Variants in SORCS3 observed in about 807,000 individuals in gnomAD.
SORCS3 encodes the protein sortilin related VPS10 domain containing receptor 3, also known as VPS10 domain-containing receptor SorCS3.
In SORCS3, 57 loss-of-function variants were observed where a neutral mutation model predicts 146.3. That is an observed-to-expected ratio of 0.39 (90% CI 0.31 to 0.49). SORCS3 has a LOEUF of 0.49. SORCS3 is among the 20% of genes least tolerant of loss of function. The probability of loss-of-function intolerance (pLI) is 0.92; values close to 1 mark genes in which losing one functional copy is unlikely to be tolerated. For synonymous variants in SORCS3, 653 were observed against 618.5 expected, an observed-to-expected ratio of 1.06 and a Z score of -0.83; for missense variants, 1,341 against 1,575.5, an observed-to-expected ratio of 0.85 and a Z score of 2.52.
intron 4 of SORCS3, among the ~76,000 whole-genome samples, chr10:104,980,167 G>T (rs1408862589): frequency 6.6e-6 from 1 of 152,164 alleles, no homozygotes; most frequent in Non-Finnish European, 1.5e-5. Context: ...ATGTGGCAGT[G>T]GGTGTTGATG....
At chr10:104,795,517 C>T (rs915855034) in intron 1 of SORCS3, among the ~76,000 whole-genome samples, 1 of 152,216 alleles carries the variant, frequency 6.6e-6, no homozygotes, top group Admixed American at 6.5e-5. Flanking sequence ...TCATGACAAA[C>T]AGGTTCTTCC....
At chr10:104,881,439 T>C (rs985491786) in intron 2 of SORCS3, among the ~76,000 whole-genome samples, 1 of 152,230 alleles carries the variant, frequency 6.6e-6, no homozygotes, top group African/African-American at 2.4e-5. Flanking sequence ...TTAATCAGAA[T>C]ATTAACATTT....
intron 16 of SORCS3, among the ~76,000 whole-genome samples, chr10:105,207,640 T>G (rs960333549): frequency 6.6e-6 from 1 of 152,122 alleles, no homozygotes; most frequent in Non-Finnish European, 1.5e-5. Flanking sequence ...GGGAAGGAGA[T>G]TGAGCTGTAT....
intron 7 of SORCS3, among the ~76,000 whole-genome samples, chr10:105,114,342 A>C (rs1014012634): frequency 6.6e-6 from 1 of 152,200 alleles, no homozygotes; most frequent in African/African-American, 2.4e-5. Flanking sequence ...AGTACTCTAG[A>C]GGTAGGAAGA....
At chr10:104,933,843 G>A (rs1459642841) in intron 3 of SORCS3, among the ~76,000 whole-genome samples, 2 of 152,126 alleles carry the variant, frequency 1.3e-5, no homozygotes, top group Non-Finnish European at 2.9e-5. Flanking sequence ...AGCCCAGGCT[G>A]GAGTGCAATG....
intron 5 of SORCS3, among the ~76,000 whole-genome samples, chr10:105,071,595 G>A (rs2055556731): frequency 6.6e-6 from 1 of 152,138 alleles, no homozygotes; most frequent in Non-Finnish European, 1.5e-5. Context: ...TTTTGATACA[G>A]GCATGCGATG....
At chr10:104,951,531 A>T (rs143473031) in intron 3 of SORCS3, among the ~76,000 whole-genome samples, 1 of 151,936 alleles carries the variant, frequency 6.6e-6, no homozygotes, top group Non-Finnish European at 1.5e-5. Flanking sequence ...GTTTTTAGAG[A>T]TGAGGGTCTC....
Position 105,105,488 on chromosome 10 carries a change from T to A in SORCS3, c.1185T>A (p.Val395=). ...GCTCCATTGACATCAGTTCCCTGGT[T>A]GTCCAGGATGAATATATCTTCATTC... ...FARSIDISSL[V]VQDEYIFIQV... is the part of the protein sequence containing the mutation. Residue 395 remains valine, a synonymous_variant, in exon 7 of 27, where the codon GTT becomes GTA. Transcript: ENST00000369701. 2 of 1,612,924 alleles carry A rather than the reference T, an allele frequency of 1.2e-6. No homozygotes were observed. Among genetic ancestry groups the A allele is most frequent in the Admixed American group, 1.7e-5 (1 of 60,010 alleles).
chr10:105,024,587 CAT>C (rs2055215644), intron 4 of SORCS3, among the ~76,000 whole-genome samples: 1 of 152,132 alleles, frequency 6.6e-6, no homozygotes, highest in South Asian at 2.1e-4. Context: ...TTTACTGTTA[CAT>C]GTTTGAAGGC....
chr10:105,060,819 C>A (rs1589613840), intron 5 of SORCS3, among the ~76,000 whole-genome samples: 1 of 151,956 alleles, frequency 6.6e-6, no homozygotes, highest in East Asian at 1.9e-4. Flanking sequence ...TGCCTATAAT[C>A]CCAGCTACTC....
At chr10:105,131,287 A>G (rs934164107) in intron 7 of SORCS3, among the ~76,000 whole-genome samples, 1 of 152,190 alleles carries the variant, frequency 6.6e-6, no homozygotes, top group Non-Finnish European at 1.5e-5. Flanking sequence ...AAAGAGGAGG[A>G]AACACTGCAG....
intron 1 of SORCS3, among the ~76,000 whole-genome samples, chr10:104,729,638 A>G (rs544225027): frequency 2.0e-5 from 3 of 152,366 alleles, no homozygotes; most frequent in East Asian, 3.9e-4. Context: ...ACAACTGCAC[A>G]AATGTGTGAT....
intron 3 of SORCS3, among the ~76,000 whole-genome samples, chr10:104,928,660 G>A (rs1031593639): frequency 1.3e-5 from 2 of 152,124 alleles, no homozygotes; most frequent in Non-Finnish European, 2.9e-5. Flanking sequence ...CTCTGCTGGT[G>A]AGCGTGTCTG....
At chr10:105,213,012 A>C (rs1440093311) in intron 17 of SORCS3, among the ~76,000 whole-genome samples, 1 of 152,232 alleles carries the variant, frequency 6.6e-6, no homozygotes, top group Non-Finnish European at 1.5e-5. Context: ...TCTTTAACCC[A>C]AAATTTCCAA....
intron 1 of SORCS3, among the ~76,000 whole-genome samples, chr10:104,780,250 C>T (rs899383433): frequency 1.3e-5 from 2 of 151,898 alleles, no homozygotes; most frequent in African/African-American, 2.4e-5. Flanking sequence ...TCAGCGGCAT[C>T]TGTGAGCATA....
At chr10:105,074,328 T>C (rs1161524626) in intron 5 of SORCS3, among the ~76,000 whole-genome samples, 2 of 152,194 alleles carry the variant, frequency 1.3e-5, no homozygotes, top group African/African-American at 4.8e-5. Context: ...CTCTCATTGA[T>C]AAAATGCAGA....
intron 1 of SORCS3, among the ~76,000 whole-genome samples, chr10:104,727,110 G>T (rs1226353074): frequency 6.6e-6 from 1 of 152,194 alleles, no homozygotes; most frequent in East Asian, 1.9e-4. Flanking sequence ...TGAGGATCAT[G>T]TCATATTCTG....
intron 1 of SORCS3, among the ~76,000 whole-genome samples, chr10:104,810,710 A>G (rs1396037206): frequency 2.6e-5 from 4 of 152,184 alleles, no homozygotes; most frequent in Non-Finnish European, 5.9e-5. Context: ...TTTCCGATAG[A>G]TATTGGGAAT....
chr10:104,815,506 C>T (rs910447524), intron 1 of SORCS3, among the ~76,000 whole-genome samples: 1 of 147,632 alleles, frequency 6.8e-6, no homozygotes, highest in South Asian at 2.1e-4. Flanking sequence ...ATAACATTAT[C>T]GGGCACATTT....
Sources: gnomAD v4.1 joint callset for allele counts (sites outside exome capture counted in the v4.1 genomes callset) on GRCh38, gnomAD v4.1.1 for gene constraint, MANE v1.5 for transcripts, NCBI Gene and HGNC (gene_info 2026-07-23, HGNC 2026-07-21) for gene names.